SCNN1B: variants seen among roughly 807,000 people sequenced by gnomAD.
SCNN1B encodes epithelial sodium channel subunit beta.
Under a neutral mutation model 65.3 loss-of-function variants are expected in SCNN1B, and 46 were observed. The observed-to-expected ratio is 0.70, with a 90% CI of 0.56 to 0.90. The LOEUF (loss-of-function observed/expected upper bound fraction) is 0.90, where lower values mean the gene tolerates loss of function less well. Among genes scored for constraint, SCNN1B ranks in the 40% least tolerant of loss-of-function variants. SCNN1B has a pLI of 0.00. For missense variants in SCNN1B, 751 were observed against 830.5 expected, an observed-to-expected ratio of 0.90 and a Z score of 1.18; for synonymous variants, 349 against 330.6, an observed-to-expected ratio of 1.06 and a Z score of -0.60.
At chr16:23,371,993 C>G (rs957157959) in intron 7 of SCNN1B, 110 bp downstream of exon 7, 7 of 857,514 alleles carry the variant, frequency 8.2e-6, no homozygotes, top group African/African-American at 1.7e-5. Flanking sequence ...TCTGCTGGGC[C>G]TTTGTAGGTT....
chr16:23,297,006 A>G (rs201504184), intron 2 of SCNN1B, among the ~76,000 whole-genome samples: 3,632 of 147,710 alleles, frequency 0.025, 55 homozygotes, highest in Admixed American at 0.032. Flanking sequence ...AAAAAAAAAA[A>G]AGAGAGAGAG....
chr16:23,331,090 C>G (rs1038996973), intron 1 of SCNN1B, among the ~76,000 whole-genome samples: 1 of 152,192 alleles, frequency 6.6e-6, no homozygotes, highest in Non-Finnish European at 1.5e-5. Flanking sequence ...GCTAGATGGG[C>G]ACAGCCGAGC....
rs1963019801 is a variant in SCNN1B at position 23,380,462 on chromosome 16, C to T, written c.1584C>T (p.Phe528=). The T allele has an allele frequency of 6.2e-7, 1 of 1,614,244 alleles. No homozygotes were observed. The highest frequency in any genetic ancestry group is 2.2e-5 in the East Asian group (1 of 44,886). Residue 528 remains phenylalanine (F), a synonymous_variant, in exon 13 of 13, where the codon TTC becomes TTT. Coordinates refer to ENST00000343070, the MANE Select transcript of SCNN1B (RefSeq NM_000336.3). The surrounding 1 kb of genome is among the most constrained non-coding windows in gnomAD (Gnocchi z 5.4). Reference sequence around the variant, plus strand: ...CGAATCTGGGTGGCCAGTTTGGCTTCTGGATGGGGGGCTCTGTGCTGTGCC... The same window carrying T: ...CGAATCTGGGTGGCCAGTTTGGCTTTTGGATGGGGGGCTCTGTGCTGTGCC... ...LLSNLGGQFG[F]WMGGSVLCLI...
At chr16:23,352,204 A>G (rs1962323678) in intron 2 of SCNN1B, among the ~76,000 whole-genome samples, 1 of 152,220 alleles carries the variant, frequency 6.6e-6, no homozygotes, top group African/African-American at 2.4e-5. Context: ...AGTGCCTGGC[A>G]CATAGTAGGT....
intron 8 of SCNN1B, 104 bp from the exon 9 acceptor site, chr16:23,377,060 CA>C (rs1259771141): frequency 9.9e-7 from 1 of 1,012,762 alleles, no homozygotes. Context: ...GCCACCTAAC[CA>C]CAGGGCCAGG....
chr16:23,374,035 C>T (rs1317798077), intron 7 of SCNN1B, among the ~76,000 whole-genome samples: 2 of 152,130 alleles, frequency 1.3e-5, no homozygotes, highest in East Asian at 1.9e-4. Context: ...CAGGCTTGAG[C>T]CCACCCCAGC....
intron 1 of SCNN1B, among the ~76,000 whole-genome samples, chr16:23,336,435 G>A (rs576557895): frequency 9.4e-5 from 14 of 149,592 alleles, no homozygotes; most frequent in Admixed American, 4.7e-4. Context: ...GCAGGGGCAC[G>A]ATCTCGGCTC....
chr16:23,360,233 T>TAAATAAATAAATAAAC (rs1567311429), intron 4 of SCNN1B, among the ~76,000 whole-genome samples: 17 of 142,652 alleles, frequency 1.2e-4, no homozygotes, highest in African/African-American at 5.0e-4. Context: ...AATAAACAAA[T>TAAATAAATAAATAAAC]AAATAAATAA....
chr16:23,380,866 T>C lies in SCNN1B; in HGVS notation c.*65T>C. On this transcript the variant is annotated 3_prime_UTR_variant, in exon 13 of 13. Coordinates refer to ENST00000343070, the MANE Select transcript of SCNN1B (RefSeq NM_000336.3). This position sits in a 1 kb window ranked among gnomAD's most constrained non-coding sequence, Gnocchi z 5.4. ...GCAGCCAAGACTGTTGCCCGAGGCC[T>C]CACTGTATGGTGCCCTCTCCAAAGG... is the stretch of plus-strand genomic sequence containing the variant. The C allele has an allele frequency of 6.4e-7, 1 of 1,565,586 alleles. No individual in the cohort carries two copies. The highest frequency in any genetic ancestry group is 8.8e-7 in the Non-Finnish European group (1 of 1,139,132).
At chr16:23,342,991 A>G (rs1962083631) in intron 1 of SCNN1B, among the ~76,000 whole-genome samples, 1 of 152,244 alleles carries the variant, frequency 6.6e-6, no homozygotes, top group Non-Finnish European at 1.5e-5. Flanking sequence ...TACACTTTAA[A>G]TGGAACACAC....
chr16:23,325,887 T>A (rs1037633646), intron 1 of SCNN1B, among the ~76,000 whole-genome samples: 10 of 124,182 alleles, frequency 8.1e-5, no homozygotes, highest in African/African-American at 3.0e-4. Flanking sequence ...ACCCTGTCTC[T>A]AATAAATAAA....
rs554420298 is a variant in SCNN1B, at chr16:23,327,464, G to T, written c.-8-21128G>T. 2.0e-5 allele frequency among the ~76,000 whole-genome samples: 3 copies of T among 152,236 alleles called. No homozygotes were observed. The East Asian group carries it at 5.8e-4, about 30-fold the overall frequency. ...AGAGAGAATCACTTGAACCCAGGAG[G>T]TGGAGGTTGCAGTGAGCCAAGATTG... is the stretch of plus-strand genomic sequence containing the variant. On this transcript the variant is annotated intron_variant, in intron 1 of 12. Transcript: ENST00000343070.
Position 23,380,344 on chromosome 16 carries a change from C to T in SCNN1B, c.1543-77C>T. The stretch of plus-strand genomic sequence containing the variant: ...CCTCCCGTTCCCACCCAAGAATCAC[C>T]TCCCAGGAAGCTGTGAGGCTGGGCT... On this transcript the variant is annotated intron_variant, in intron 12 of 12. Coordinates refer to ENST00000343070, the MANE Select transcript of SCNN1B (RefSeq NM_000336.3). The surrounding 1 kb of genome is among the most constrained non-coding windows in gnomAD (Gnocchi z 5.4). 1 of 1,609,948 alleles carries T rather than the reference C, an allele frequency of 6.2e-7. No individual in the cohort carries two copies. The highest frequency in any genetic ancestry group is 8.5e-7 in the Non-Finnish European group (1 of 1,177,636).
At chr16:23,297,533 A>G (rs901634361), upstream of SCNN1B, among the ~76,000 whole-genome samples, 1 of 152,058 alleles carries the variant, frequency 6.6e-6, no homozygotes, top group African/African-American at 2.4e-5. Context: ...ATCGGGACCT[A>G]GTTTCTCTTT....
chr16:23,335,040 C>A (rs1205807678), intron 1 of SCNN1B, among the ~76,000 whole-genome samples: 1 of 151,990 alleles, frequency 6.6e-6, no homozygotes, highest in Non-Finnish European at 1.5e-5. Context: ...TATTTTTTTT[C>A]TCTTTCCTGT....
chr16:23,295,583 C>T (rs530749045), intron 2 of SCNN1B, among the ~76,000 whole-genome samples: 6 of 152,208 alleles, frequency 3.9e-5, no homozygotes, highest in African/African-American at 1.4e-4. Context: ...AACTCCTGGC[C>T]TCACGCAATC....
intron 1 of SCNN1B, among the ~76,000 whole-genome samples, chr16:23,345,557 C>G (rs1304096121): frequency 6.6e-6 from 1 of 152,200 alleles, no homozygotes; most frequent in East Asian, 1.9e-4. Context: ...CCCGTTTGGG[C>G]TGCCAAATAC....
At chr16:23,315,993 T>TCATCATCATCACCAC (rs1961445903) in intron 1 of SCNN1B, among the ~76,000 whole-genome samples, 1 of 147,888 alleles carries the variant, frequency 6.8e-6, no homozygotes, top group African/African-American at 2.6e-5. Flanking sequence ...ATCATCGCCA[T>TCATCATCATCACCAC]CATCATCATC....
At chr16:23,314,863 G>T (rs72652289) in intron 1 of SCNN1B, among the ~76,000 whole-genome samples, 9 of 152,194 alleles carry the variant, frequency 5.9e-5, no homozygotes, top group African/African-American at 2.2e-4. Context: ...GGGCTGAGGG[G>T]ACCATGGACC....
Sources: allele counts gnomAD v4.1 joint callset (sites outside exome capture counted in the v4.1 genomes callset), GRCh38; gene constraint gnomAD v4.1.1; non-coding constraint Gnocchi (gnomAD v3.1); transcripts MANE v1.5; gene names NCBI Gene and HGNC (gene_info 2026-07-23, HGNC 2026-07-21).